The following NALCN variants were observed in gnomAD, a reference collection of about 807,000 sequenced individuals.
NALCN encodes sodium leak channel NALCN.
In NALCN, 111 loss-of-function variants were observed where a neutral mutation model predicts 225.3. The ratio of observed to expected loss-of-function variants is 0.49; its 90% CI spans 0.42 to 0.58. NALCN has a LOEUF of 0.58. NALCN is among the 20% of genes least tolerant of loss of function. The pLI is 0.00. For missense variants in NALCN, 1,378 were observed against 2,202.4 expected, an observed-to-expected ratio of 0.63 and a Z score of 7.49; for synonymous variants, 764 against 769.0, an observed-to-expected ratio of 0.99 and a Z score of 0.11.
At chr13:101,381,219 A>G (rs1018092820) in intron 3 of NALCN, among the ~76,000 whole-genome samples, 1 of 152,166 alleles carries the variant, frequency 6.6e-6, no homozygotes, top group African/African-American at 2.4e-5. Context: ...GATTATCATC[A>G]TATGAAGATT....
chr13:101,155,421 G>T (rs956217683), intron 15 of NALCN, among the ~76,000 whole-genome samples: 7 of 152,150 alleles, frequency 4.6e-5, no homozygotes, highest in Non-Finnish European at 1.0e-4. Context: ...TGGTTTCGAG[G>T]AGTATCAGTC....
At chr13:101,302,975 G>T (rs373653375) in intron 7 of NALCN, among the ~76,000 whole-genome samples, 1 of 151,920 alleles carries the variant, frequency 6.6e-6, no homozygotes, top group Non-Finnish European at 1.5e-5. Flanking sequence ...AAGTTATGCT[G>T]CCAAGAAAGC....
chr13:101,228,493 T>C (rs571316), intron 13 of NALCN, among the ~76,000 whole-genome samples: 91,180 of 151,858 alleles, frequency 0.6, 28,063 homozygotes, highest in African/African-American at 0.74. Context: ...CTGCTGCTCT[T>C]GTGGTAGTGA....
chr13:101,366,311 A>G (rs2046375619), intron 6 of NALCN, among the ~76,000 whole-genome samples: 1 of 152,208 alleles, frequency 6.6e-6, no homozygotes. Context: ...ACTAAGTTCC[A>G]TTTAAAAGCA....
chr13:101,173,072 T>C (rs1423378390), intron 15 of NALCN, among the ~76,000 whole-genome samples: 1 of 152,228 alleles, frequency 6.6e-6, no homozygotes, highest in Non-Finnish European at 1.5e-5. Flanking sequence ...AAGTGGCACC[T>C]TGAGTGGCGT....
intron 7 of NALCN, among the ~76,000 whole-genome samples, chr13:101,307,252 C>T (rs897448914): frequency 6.6e-6 from 1 of 152,148 alleles, no homozygotes; most frequent in African/African-American, 2.4e-5. Flanking sequence ...CAGCTCCAAC[C>T]CATGGAAGCC....
chr13:101,235,253 C>T (rs1052087455), intron 12 of NALCN, among the ~76,000 whole-genome samples: 7 of 151,936 alleles, frequency 4.6e-5, no homozygotes, highest in Admixed American at 2.0e-4. Context: ...TCTTTTTTCT[C>T]TCATTAATTC....
At chr13:101,195,029 A>G (rs1408434025) in intron 13 of NALCN, among the ~76,000 whole-genome samples, 1 of 152,174 alleles carries the variant, frequency 6.6e-6, no homozygotes, top group East Asian at 1.9e-4. Context: ...ATAAAAAGAA[A>G]GGGAAGAATA....
At chr13:101,393,901 T>C (rs2047212684) in intron 3 of NALCN, among the ~76,000 whole-genome samples, 1 of 152,186 alleles carries the variant, frequency 6.6e-6, no homozygotes, top group African/African-American at 2.4e-5. Context: ...TGTGACAATA[T>C]TAGGAAATAT....
At position 101,082,830 on chromosome 13, in the gene NALCN, G is replaced by A. The variant is rs1387127112; in HGVS notation, c.3744C>T (p.Phe1248=). The A allele has an allele frequency of 6.2e-7, 1 of 1,614,132 alleles. No homozygotes were observed. Among genetic ancestry groups the A allele is most frequent in the South Asian group, 1.1e-5 (1 of 91,084 alleles). ...GTACCTCCAGAACAAAGATGAAGGT[G>A]AAAACAACTGACATTGTTGCCAAAG... ...TVPLATMSVV[F]TFIFVLEVTM... Residue 1248 remains phenylalanine, a synonymous_variant, in exon 33 of 44, where the codon TTC becomes TTT. Transcript: ENST00000251127.
intron 12 of NALCN, among the ~76,000 whole-genome samples, chr13:101,230,016 A>G (rs910283818): frequency 6.6e-6 from 1 of 152,176 alleles, no homozygotes; most frequent in Non-Finnish European, 1.5e-5. Context: ...TGATGGTTCA[A>G]TGTATACACA....
At chr13:101,341,441 A>G (rs992153040) in intron 7 of NALCN, among the ~76,000 whole-genome samples, 2 of 152,160 alleles carry the variant, frequency 1.3e-5, no homozygotes, top group Non-Finnish European at 2.9e-5. Context: ...TGGATGCCTA[A>G]TGAATGTTTT....
chr13:101,274,744 C>A (rs1034057382), intron 10 of NALCN, among the ~76,000 whole-genome samples: 1 of 152,166 alleles, frequency 6.6e-6, no homozygotes, highest in South Asian at 2.1e-4. Context: ...CTATCTTATA[C>A]AGCATGATTT....
At chr13:101,229,736 A>C in intron 12 of NALCN, 152 bp from the exon 13 acceptor site, 1 of 605,602 alleles carries the variant, frequency 1.7e-6, no homozygotes, top group Non-Finnish European at 2.5e-6. Flanking sequence ...TAACAATAGA[A>C]TAACCATTGG....
intron 40 of NALCN, among the ~76,000 whole-genome samples, 157 bp from the exon 41 acceptor site, chr13:101,062,275 C>G (rs2032016236): frequency 6.6e-6 from 1 of 152,188 alleles, no homozygotes; most frequent in Admixed American, 6.5e-5. Context: ...GGTCCTGTCA[C>G]CTCTCTGTGT....
At position 101,316,365 on chromosome 13, in the gene NALCN, G is replaced by A. The variant is rs893400450; in HGVS notation, c.800-23999C>T. ...AGTCCTAAGTACCCAGACATTTTAT[G>A]TTCATAAGTGAGAGAGACCTCACTG... On this transcript the variant is annotated intron_variant, in intron 7 of 43. Transcript: ENST00000251127. 7.9e-5 allele frequency among the ~76,000 whole-genome samples: 12 copies of A among 152,158 alleles called. 1 individual carries two copies. The highest frequency in any genetic ancestry group is 2.9e-4 in the African/African-American group (12 of 41,444).
At chr13:101,183,688 G>A (rs866548595) in intron 14 of NALCN, among the ~76,000 whole-genome samples, 3 of 152,048 alleles carry the variant, frequency 2.0e-5, no homozygotes, top group African/African-American at 7.2e-5. Flanking sequence ...TGGAATTCCC[G>A]ACCTCAGGTG....
chr13:101,095,949 A>G (rs1167011406), intron 27 of NALCN, among the ~76,000 whole-genome samples: 1 of 152,174 alleles, frequency 6.6e-6, no homozygotes, highest in Non-Finnish European at 1.5e-5. Flanking sequence ...AGCACACGAC[A>G]AGATGCTCAG....
Position 101,055,506 on chromosome 13 carries a change from C to T in NALCN, c.5024-18G>A, listed in dbSNP as rs1344063901. 1.2e-6 allele frequency: 2 copies of T among 1,607,824 alleles called. No individual in the cohort carries two copies. The highest frequency in any genetic ancestry group is 1.1e-5 in the South Asian group (1 of 90,578). On this transcript the variant is annotated intron_variant, in intron 43 of 43. Transcript: ENST00000251127. ...TTTTGGGGCTGTGGAATTAATGAGT[C>T]CTATGAGCCACTTGGTATTGCTTCA...
Sources: gnomAD v4.1 joint callset for allele counts (sites outside exome capture counted in the v4.1 genomes callset) on GRCh38, gnomAD v4.1.1 for gene constraint, MANE v1.5 for transcripts, NCBI Gene and HGNC (gene_info 2026-07-23, HGNC 2026-07-21) for gene names.